UCHL3: variants seen among roughly 807,000 people sequenced by gnomAD.
UCHL3 encodes the protein ubiquitin C-terminal hydrolase L3.
In UCHL3, 22 loss-of-function variants were observed where a neutral mutation model predicts 35.8. The observed-to-expected ratio is 0.61, with a 90% CI of 0.44 to 0.88. The LOEUF (loss-of-function observed/expected upper bound fraction) is 0.88. Ranked by LOEUF, UCHL3 falls within the 40% of genes least tolerant of loss-of-function variation. The pLI is 0.00. For missense variants in UCHL3, 229 were observed against 276.9 expected, an observed-to-expected ratio of 0.83 and a Z score of 1.23; for synonymous variants, 90 against 92.8, an observed-to-expected ratio of 0.97 and a Z score of 0.17.
chr13:75,550,579 A>G (rs774951865), intron 2 of UCHL3, among the ~76,000 whole-genome samples: 4 of 152,062 alleles, frequency 2.6e-5, no homozygotes, highest in Admixed American at 6.5e-5. Flanking sequence ...ATTCTTTGCA[A>G]TCTATAGCAA....
chr13:75,565,505 C>T (rs2031654582), intron 3 of UCHL3, among the ~76,000 whole-genome samples: 1 of 152,170 alleles, frequency 6.6e-6, no homozygotes, highest in African/African-American at 2.4e-5. Flanking sequence ...TTTCTATAGA[C>T]ATCGTTTGTT....
chr13:75,573,093 G>T (rs541190698), intron 6 of UCHL3, among the ~76,000 whole-genome samples: 1 of 152,022 alleles, frequency 6.6e-6, no homozygotes, highest in Non-Finnish European at 1.5e-5. Flanking sequence ...GGTGAACCCC[G>T]TCTCTACTAA....
chr13:75,581,747 T>A (rs2032194111), intron 6 of UCHL3, among the ~76,000 whole-genome samples: 1 of 151,898 alleles, frequency 6.6e-6, no homozygotes, highest in African/African-American at 2.4e-5. Flanking sequence ...TTACAGCATT[T>A]CAAATACGTT....
chr13:75,582,897 A>C (rs1240821583), intron 6 of UCHL3, among the ~76,000 whole-genome samples: 3 of 152,274 alleles, frequency 2.0e-5, no homozygotes, highest in Non-Finnish European at 4.4e-5. Context: ...AAGTCCTTCC[A>C]TCTCTTGAAA....
intron 3 of UCHL3, among the ~76,000 whole-genome samples, 158 bp from the exon 4 acceptor site, chr13:75,566,537 A>G (rs1459754812): frequency 6.6e-6 from 1 of 152,116 alleles, no homozygotes; most frequent in East Asian, 1.9e-4. Flanking sequence ...TCATTTTTCA[A>G]TCTTTTGTCA....
intron 6 of UCHL3, among the ~76,000 whole-genome samples, chr13:75,592,446 A>ATACATATATATATATATGTATATATGTG (rs36133915): frequency 1.1e-4 from 8 of 71,072 alleles, no homozygotes; most frequent in African/African-American, 3.3e-4. Flanking sequence ...ATATATATAT[A>ATACATATATATATATATGTATATATGTG]TATATATATA....
chr13:75,565,694 T>C (rs939109024), intron 3 of UCHL3, among the ~76,000 whole-genome samples: 2 of 152,240 alleles, frequency 1.3e-5, no homozygotes, highest in Non-Finnish European at 2.9e-5. Context: ...ATTTGGCCTG[T>C]AGGCTGTCAT....
At chr13:75,592,451 T>TATATAC (rs1566228167) in intron 6 of UCHL3, among the ~76,000 whole-genome samples, 10 of 81,592 alleles carry the variant, frequency 1.2e-4, no homozygotes, top group Non-Finnish European at 2.6e-4. Flanking sequence ...TATATATATA[T>TATATAC]ATATATATAT....
chr13:75,557,604 T>C (rs756509579), intron 2 of UCHL3, among the ~76,000 whole-genome samples: 1 of 152,200 alleles, frequency 6.6e-6, no homozygotes, highest in Non-Finnish European at 1.5e-5. Context: ...TGCTTCTAAT[T>C]AACTGTGTAG....
chr13:75,600,581 G>A (rs1353214102), intron 7 of UCHL3, among the ~76,000 whole-genome samples: 1 of 152,164 alleles, frequency 6.6e-6, no homozygotes, highest in African/African-American at 2.4e-5. Flanking sequence ...TTTATAGCCT[G>A]GATTACTGAA....
chr13:75,564,677 C>A (rs1459460678), intron 3 of UCHL3, among the ~76,000 whole-genome samples: 1 of 152,012 alleles, frequency 6.6e-6, no homozygotes, highest in Non-Finnish European at 1.5e-5. Flanking sequence ...TTGATAATTA[C>A]CATCAATGAT....
At chr13:75,599,153 G>A (rs199535219) in intron 7 of UCHL3, among the ~76,000 whole-genome samples, 2 of 53,568 alleles carry the variant, frequency 3.7e-5, no homozygotes, top group African/African-American at 1.3e-4. Flanking sequence ...TTTTTTTTTT[G>A]TAAATTGGGG....
chr13:75,599,890 G>A (rs1481273522), intron 7 of UCHL3, among the ~76,000 whole-genome samples: 1 of 152,204 alleles, frequency 6.6e-6, no homozygotes, highest in Admixed American at 6.5e-5. Context: ...AGGATGGTCT[G>A]ATAGCTAGGC....
In UCHL3 at chr13:75,566,823, T is replaced by C. The variant is rs2031699623; in HGVS notation, c.312T>C (p.Ile104=). 2 of 1,600,768 alleles carry C rather than the reference T, an allele frequency of 1.2e-6. No individual in the cohort carries two copies. The highest frequency in any genetic ancestry group is 2.7e-5 in the African/African-American group (2 of 74,138). The part of the protein sequence containing the change: ...ACGTIGLIHA[I]ANNKDKMHFE... ...GAACAATTGGACTGATTCATGCTAT[T>C]GCAAACAATAAAGACAAGATGCACT... is the stretch of plus-strand genomic sequence containing the variant. The change falls in exon 4 of 9, where the codon ATT becomes ATC. Residue 104 remains isoleucine, a synonymous_variant. Transcript: ENST00000377595.
intron 6 of UCHL3, among the ~76,000 whole-genome samples, chr13:75,593,522 T>G (rs2032566591): frequency 6.6e-6 from 1 of 152,192 alleles, no homozygotes; most frequent in African/African-American, 2.4e-5. Context: ...AACAATGGAA[T>G]GGACTGCCTC....
chr13:75,555,098 C>T (rs565446522), intron 2 of UCHL3, among the ~76,000 whole-genome samples: 19 of 152,308 alleles, frequency 1.2e-4, no homozygotes, highest in Admixed American at 2.0e-4. Context: ...ATCTCTGACC[C>T]GCTCATGCTG....
upstream of UCHL3, chr13:75,549,566 G>GT (rs2030995361): frequency 1.3e-5 from 6 of 459,930 alleles, no homozygotes; most frequent in Admixed American, 2.4e-4. Context: ...TTCAGATACT[G>GT]TTTTTCTCCC....
At position 75,569,525 on chromosome 13, in the gene UCHL3, T is replaced by C. The variant is rs139322595; in HGVS notation, c.474+18T>C. 94 of 1,602,636 alleles carry C rather than the reference T, an allele frequency of 5.9e-5. No individual in the cohort carries two copies. The East Asian group carries it at 1.4e-3, about 23-fold the overall frequency. ...AGACTGAGGTATTTCACATTTTTTC[T>C]AAATTTTTCTTGCTATAAATTTAAC... On this transcript the variant is annotated intron_variant, in intron 6 of 8. Coordinates refer to ENST00000377595, the MANE Select transcript of UCHL3 (RefSeq NM_006002.5).
At position 75,605,726 on chromosome 13, in the gene UCHL3, T is replaced by A. The variant is rs1331440474; in HGVS notation, c.610-3T>A. ...AAATCATACTTTTTTTTTTCCTCCATAGGATGCCATAGAAGTTTGCAAGAA... is the reference window on the plus strand; with the variant it reads ...AAATCATACTTTTTTTTTTCCTCCAAAGGATGCCATAGAAGTTTGCAAGAA... On this transcript the variant is annotated splice_region_variant and splice_polypyrimidine_tract_variant and intron_variant, in intron 8 of 8. Transcript: ENST00000377595. 6 of 1,613,062 alleles carry A rather than the reference T, an allele frequency of 3.7e-6. No individual in the cohort carries two copies. The highest frequency in any genetic ancestry group is 4.2e-6 in the Non-Finnish European group (5 of 1,179,564).
Sources: allele counts gnomAD v4.1 joint callset (sites outside exome capture counted in the v4.1 genomes callset), GRCh38; gene constraint gnomAD v4.1.1; transcripts MANE v1.5; gene names NCBI Gene and HGNC (gene_info 2026-07-23, HGNC 2026-07-21).